The following NAV3 variants were observed in gnomAD, a reference collection of about 807,000 sequenced individuals.
NAV3 encodes neuron navigator 3, also known as pore membrane and/or filament interacting like protein 1.
Under a neutral mutation model 244.7 loss-of-function variants are expected in NAV3, and 87 were observed. The ratio of observed to expected loss-of-function variants is 0.36; its 90% CI spans 0.30 to 0.42. NAV3 has a LOEUF of 0.42. Among genes scored for constraint, NAV3 ranks in the 20% least tolerant of loss-of-function variants. NAV3 has a pLI of 1.00. For missense variants in NAV3, 2,663 were observed against 2,893.3 expected (o/e 0.92, Z 1.83); for synonymous variants, 1,126 against 1,042.2 (o/e 1.08, Z -1.55).
intron 12 of NAV3, among the ~76,000 whole-genome samples, chr12:78,078,336 A>G (rs1953159393): frequency 7.1e-6 from 1 of 140,180 alleles, no homozygotes; most frequent in South Asian, 2.4e-4. Context: ...CTATGAACCC[A>G]AGTAACAAGT....
At chr12:77,970,424 T>G (rs1289888681) in intron 5 of NAV3, among the ~76,000 whole-genome samples, 2 of 152,186 alleles carry the variant, frequency 1.3e-5, no homozygotes, top group Admixed American at 6.5e-5. Flanking sequence ...CATATGGATT[T>G]TGTTTGTTAC....
intron 5 of NAV3, among the ~76,000 whole-genome samples, chr12:77,990,813 T>G (rs927308100): frequency 6.6e-6 from 1 of 152,132 alleles, no homozygotes. Flanking sequence ...CTTCATAATT[T>G]TTCTTGCAAT....
intron 2 of NAV3, among the ~76,000 whole-genome samples, chr12:77,717,814 A>G (rs1290449271): frequency 6.6e-6 from 1 of 152,056 alleles, no homozygotes; most frequent in Admixed American, 6.6e-5. Context: ...GCACTGTCTC[A>G]GTTGGTTTTG....
Position 77,766,749 on chromosome 12 carries a change from T to G in NAV3, c.73-173570T>G, listed in dbSNP as rs1392156945. On this transcript the variant is annotated intron_variant, in intron 2 of 8. Transcript: ENST00000550042. ...CAGGCAATTAAGTTTTTTTTTTTTT[T>G]TTTTTTTTTTTTTTTTTTTTTTGAG... 1.7e-3 allele frequency among the ~76,000 whole-genome samples: 53 copies of G among 30,640 alleles called. 3 individuals are homozygous for G. Among genetic ancestry groups the G allele is most frequent in the South Asian group, 7.6e-3 (7 of 924 alleles). The allele number at this position is 30,640 out of a possible 152,430, so 20.1% of individuals were successfully genotyped here.
Position 77,897,424 on chromosome 12 carries a change from C to A in NAV3, c.244-42895C>A, listed in dbSNP as rs1298195187. Reference sequence around the variant, plus strand: ...GCATTTTCCATGTAATCCTAGAACTCTGACCCCATTCTCTTTTGCCCTTTC... The same window carrying A: ...GCATTTTCCATGTAATCCTAGAACTATGACCCCATTCTCTTTTGCCCTTTC... On this transcript the variant is annotated intron_variant, in intron 1 of 39. Transcript: ENST00000397909. Among the ~76,000 whole-genome samples the A allele has an allele frequency of 5.3e-5, 8 of 152,320 alleles. No homozygotes were observed. The South Asian group carries it at 8.3e-4, about 16-fold the overall frequency.
At chr12:77,876,062 A>G (rs779247113) in intron 1 of NAV3, among the ~76,000 whole-genome samples, 1 of 152,090 alleles carries the variant, frequency 6.6e-6, no homozygotes, top group Non-Finnish European at 1.5e-5. Context: ...TATGAAAATA[A>G]AGTTGAAAAT....
At chr12:77,852,810 C>G (rs1383973214) in intron 1 of NAV3, among the ~76,000 whole-genome samples, 1 of 152,128 alleles carries the variant, frequency 6.6e-6, no homozygotes, top group Non-Finnish European at 1.5e-5. Context: ...AATTTAGATT[C>G]CTTATTCTCG....
At chr12:77,782,266 T>G (rs1592678652) in intron 2 of NAV3, among the ~76,000 whole-genome samples, 2 of 122,110 alleles carry the variant, frequency 1.6e-5, no homozygotes, top group Admixed American at 9.1e-5. Flanking sequence ...CAACTCCCCC[T>G]TGCCTCCCTT....
intron 2 of NAV3, among the ~76,000 whole-genome samples, chr12:77,634,816 A>G (rs1872084684): frequency 6.6e-6 from 1 of 152,186 alleles, no homozygotes; most frequent in Non-Finnish European, 1.5e-5. Flanking sequence ...TAATAAGATG[A>G]AAGTCTAAAA....
chr12:77,755,558 C>CTTTCT (rs1869102414), intron 2 of NAV3, among the ~76,000 whole-genome samples: 1 of 58,924 alleles, frequency 1.7e-5, no homozygotes, highest in Non-Finnish European at 3.2e-5. Flanking sequence ...CTTTCCTTTC[C>CTTTCT]TTTCCTTTCC....
rs192316330 is a variant in NAV3, at chr12:77,719,676, T to C, written c.72+147410T>C. On this transcript the variant is annotated intron_variant, in intron 2 of 8. Transcript: ENST00000550042. Reference sequence around the variant, plus strand: ...GCCATGGTGTATGATCCTTTTAATATGTTGTTAAATTCAGTTTGCTAGCAT... The same window carrying C: ...GCCATGGTGTATGATCCTTTTAATACGTTGTTAAATTCAGTTTGCTAGCAT... Among the ~76,000 whole-genome samples, 273 of 152,248 alleles carry C rather than the reference T, an allele frequency of 1.8e-3. 1 individual carries two copies. Among genetic ancestry groups the C allele is most frequent in the African/African-American group, 6.4e-3 (264 of 41,558 alleles).
At chr12:77,767,462 A>G (rs1869835087) in intron 2 of NAV3, among the ~76,000 whole-genome samples, 1 of 152,116 alleles carries the variant, frequency 6.6e-6, no homozygotes, top group South Asian at 2.1e-4. Context: ...CTTGGCTAGC[A>G]CTACCAGCCC....
chr12:78,109,645 A>G (rs1342393157), intron 12 of NAV3, among the ~76,000 whole-genome samples: 9 of 152,038 alleles, frequency 5.9e-5, no homozygotes. Context: ...ACTCAATGTA[A>G]ATAAATCAAT....
intron 12 of NAV3, among the ~76,000 whole-genome samples, chr12:78,083,932 C>A (rs1456540772): frequency 6.6e-6 from 1 of 152,164 alleles, no homozygotes; most frequent in African/African-American, 2.4e-5. Flanking sequence ...ATTTTTTCTA[C>A]TCCACTGCCC....
Position 78,054,878 on chromosome 12 carries a change from A to G in NAV3, c.2516+3731A>G, listed in dbSNP as rs143217401. ...ATGATGAATTTAGAGTTAGAGATGT[A>G]GAGCTGGAGACGGTGAGATATGAAG... On this transcript the variant is annotated intron_variant, in intron 11 of 39. Transcript: ENST00000397909. Among the ~76,000 whole-genome samples the G allele has an allele frequency of 7.8e-3, 1,192 of 152,238 alleles. 9 individuals are homozygous for G. The highest frequency in any genetic ancestry group is 0.02 in the Middle Eastern group (6 of 294).
intron 11 of NAV3, among the ~76,000 whole-genome samples, chr12:78,057,647 A>G (rs746632832): frequency 7.2e-5 from 11 of 152,336 alleles, no homozygotes; most frequent in African/African-American, 2.4e-4. Flanking sequence ...TGCATGTTAT[A>G]TATATATTAA....
intron 20 of NAV3, chr12:78,143,360 G>GTGC (rs1206769518): frequency 2.2e-6 from 1 of 453,448 alleles, no homozygotes; most frequent in Admixed American, 2.4e-5. Context: ...GCCAAGCGCG[G>GTGC]TGGCTCATGC....
chr12:77,966,130 C>T, intron 3 of NAV3, 99 bp from the exon 4 acceptor site: 1 of 994,218 alleles, frequency 1.0e-6, no homozygotes. Context: ...TGAATGTAAA[C>T]TATTCATTCT....
At chr12:77,913,725 A>G (rs1487005111) in intron 1 of NAV3, among the ~76,000 whole-genome samples, 1 of 152,066 alleles carries the variant, frequency 6.6e-6, no homozygotes, top group Non-Finnish European at 1.5e-5. Context: ...AGAGTTGAGT[A>G]TTTTTACAGT....
Sources: gnomAD v4.1 joint callset for allele counts (sites outside exome capture counted in the v4.1 genomes callset) on GRCh38, gnomAD v4.1.1 for gene constraint, MANE v1.5 for transcripts, NCBI Gene and HGNC (gene_info 2026-07-23, HGNC 2026-07-21) for gene names.